FOXP1: variants seen among roughly 807,000 people sequenced by gnomAD.
The protein encoded by FOXP1 is forkhead box protein P1.
FOXP1 carries 15 observed loss-of-function variants against 98.2 expected under a neutral mutation model. That is an observed-to-expected ratio of 0.15 (90% CI 0.10 to 0.24). The LOEUF (loss-of-function observed/expected upper bound fraction) is 0.24. FOXP1 is among the 10% of genes least tolerant of loss of function. FOXP1 has a pLI of 1.00. For missense variants in FOXP1, 633 were observed against 848.5 expected (o/e 0.75, Z 3.15); for synonymous variants, 371 against 314.5 (o/e 1.18, Z -1.90).
rs370159203 is a variant in FOXP1, at chr3:71,033,848, G to A, written c.869+7480C>T. Among the ~76,000 whole-genome samples, 279 of 152,264 alleles carry A rather than the reference G, an allele frequency of 1.8e-3. 1 individual carries two copies. The highest frequency in any genetic ancestry group is 3.2e-3 in the Non-Finnish European group (218 of 68,012). On this transcript the variant is annotated intron_variant, in intron 11 of 20. Transcript: ENST00000649528. ...ATGGCTGCCAAACAACAGGCAGCAT[G>A]TTTAGGGTACAAAATGCTGATTCGC...
intron 7 of FOXP1, among the ~76,000 whole-genome samples, chr3:71,106,340 T>C (rs1277751099): frequency 6.6e-6 from 1 of 152,226 alleles, no homozygotes. Context: ...GAGTTCCTTA[T>C]TTTTTGTTTC....
intron 3 of FOXP1, among the ~76,000 whole-genome samples, chr3:71,455,118 T>G (rs2087345013): frequency 1.3e-5 from 2 of 152,284 alleles, no homozygotes; most frequent in Admixed American, 6.5e-5. Context: ...AGTCAGTTTT[T>G]TAAAAGGAAA....
intron 6 of FOXP1, among the ~76,000 whole-genome samples, chr3:71,139,845 G>A (rs1404307540): frequency 1.3e-5 from 2 of 152,102 alleles, no homozygotes; most frequent in African/African-American, 4.8e-5. Context: ...GTTGCTTTCC[G>A]GACTGGATAT....
chr3:70,963,800 T>A (rs905737931), intron 20 of FOXP1, among the ~76,000 whole-genome samples: 2 of 152,196 alleles, frequency 1.3e-5, no homozygotes, highest in African/African-American at 2.4e-5. Flanking sequence ...GCCATAATTA[T>A]GTGACCACTT....
chr3:71,003,851 C>T (rs1389944077), intron 12 of FOXP1, among the ~76,000 whole-genome samples: 3 of 152,054 alleles, frequency 2.0e-5, no homozygotes, highest in Admixed American at 1.3e-4. Flanking sequence ...TCATTATGCT[C>T]GCTAATGGAT....
intron 3 of FOXP1, among the ~76,000 whole-genome samples, chr3:71,474,269 C>T (rs2089620186): frequency 1.3e-5 from 2 of 151,688 alleles, no homozygotes; most frequent in African/African-American, 4.8e-5. Flanking sequence ...CAAAAGAGGA[C>T]TAGAAAAGAA....
intron 5 of FOXP1, among the ~76,000 whole-genome samples, chr3:71,201,452 C>T (rs1371861957): frequency 6.6e-6 from 1 of 152,086 alleles, no homozygotes; most frequent in Non-Finnish European, 1.5e-5. Context: ...TCGAGACCAG[C>T]CTGGCCAACA....
At position 71,243,150 on chromosome 3, in the gene FOXP1, C is replaced by T. The variant is rs138602816; in HGVS notation, c.-11-44758G>A. On this transcript the variant is annotated intron_variant, in intron 5 of 20. Transcript: ENST00000649528. The stretch of plus-strand genomic sequence containing the variant: ...GTAAAAATAAACCTCTCTAAAAGCA[C>T]AGACTACAGTTATATTTCTAAAGCA... Among the ~76,000 whole-genome samples, 92 of 152,324 alleles carry T rather than the reference C, an allele frequency of 6.0e-4. 1 individual carries two copies. Among genetic ancestry groups the T allele is most frequent in the African/African-American group, 2.0e-3 (85 of 41,556 alleles).
At position 71,015,652 on chromosome 3, in the gene FOXP1, A is replaced by G. The variant is rs2044350860; in HGVS notation, c.871T>C (p.Leu291=). The G allele has an allele frequency of 6.3e-7, 1 of 1,595,264 alleles. No individual in the cohort carries two copies. Among genetic ancestry groups the G allele is most frequent in the Admixed American group, 1.7e-5 (1 of 59,890 alleles). The change falls in exon 12 of 21, where the codon TTG becomes CTG. Residue 291 remains leucine (L), a splice_region_variant and synonymous_variant. Transcript: ENST00000649528. Reference sequence around the variant, plus strand: ...CTATGGGGGTGCTCCTCATGGGACAAACTGAAAGAAAACACACAGAAGACC... The same window carrying G: ...CTATGGGGGTGCTCCTCATGGGACAGACTGAAAGAAAACACACAGAAGACC... ...LSVHTPKRES[L]SHEEHPHSHP... is the part of the protein sequence containing the mutation.
chr3:71,248,346 C>T (rs996144455), intron 5 of FOXP1, among the ~76,000 whole-genome samples: 7 of 152,164 alleles, frequency 4.6e-5, no homozygotes, highest in African/African-American at 1.7e-4. Flanking sequence ...GTTCATCAGC[C>T]ATGCTCTCTT....
chr3:71,021,245 C>G (rs2045385839), intron 11 of FOXP1, among the ~76,000 whole-genome samples: 1 of 152,192 alleles, frequency 6.6e-6, no homozygotes. Context: ...CTTTCTGTCT[C>G]TAGAGGTGTG....
At chr3:71,437,867 T>C (rs1026451919) in intron 3 of FOXP1, among the ~76,000 whole-genome samples, 1 of 152,126 alleles carries the variant, frequency 6.6e-6, no homozygotes, top group Non-Finnish European at 1.5e-5. Context: ...CCACCCGCAC[T>C]TGCAGACAAA....
intron 5 of FOXP1, among the ~76,000 whole-genome samples, chr3:71,202,358 A>T (rs1315301367): frequency 6.6e-6 from 1 of 152,214 alleles, no homozygotes; most frequent in Non-Finnish European, 1.5e-5. Flanking sequence ...TCAGGAGAAA[A>T]CAGCTTTTTG....
chr3:70,967,623 C>CT (rs1186640949), intron 19 of FOXP1, among the ~76,000 whole-genome samples: 1 of 143,786 alleles, frequency 7.0e-6, no homozygotes, highest in Non-Finnish European at 1.5e-5. Context: ...TGCGATAAAG[C>CT]TTTTTTTCTT....
intron 6 of FOXP1, among the ~76,000 whole-genome samples, chr3:71,187,239 T>A (rs1254768744): frequency 6.6e-6 from 1 of 152,250 alleles, no homozygotes; most frequent in Non-Finnish European, 1.5e-5. Flanking sequence ...TTGATAATTA[T>A]AACTGTGAAT....
In FOXP1 at chr3:70,966,130, C is replaced by G. The variant is rs1370519293; in HGVS notation, c.1723-74G>C. The G allele has an allele frequency of 3.3e-6, 4 of 1,214,580 alleles. No homozygotes were observed. In the Admixed American group the frequency reaches 6.9e-5, roughly 21 times the overall value. 75.2% of individuals were successfully genotyped at this position (1,214,580 alleles called of 1,614,324 possible). On this transcript the variant is annotated intron_variant, in intron 19 of 20. Transcript: ENST00000649528. ...AAGGAAACTACTAATTATGGGTGTA[C>G]TCGATAATCTTCAGTTTGAGTTAAT...
At chr3:71,105,928 C>A (rs533010257) in intron 7 of FOXP1, among the ~76,000 whole-genome samples, 4 of 151,976 alleles carry the variant, frequency 2.6e-5, no homozygotes, top group African/African-American at 9.7e-5. Context: ...TGGAAAATAG[C>A]GTAATTTACT....
At chr3:71,217,483 TG>T (rs1310469467) in intron 5 of FOXP1, among the ~76,000 whole-genome samples, 2 of 152,222 alleles carry the variant, frequency 1.3e-5, no homozygotes, top group African/African-American at 2.4e-5. Flanking sequence ...TGATTTTTTT[TG>T]CTTCTGTTTC....
At chr3:71,148,357 G>A (rs2060416569) in intron 6 of FOXP1, among the ~76,000 whole-genome samples, 1 of 151,722 alleles carries the variant, frequency 6.6e-6, no homozygotes, top group Admixed American at 6.6e-5. Context: ...CTCCAGCCTG[G>A]GCAACAGAAC....
Sources: allele counts gnomAD v4.1 joint callset (sites outside exome capture counted in the v4.1 genomes callset), GRCh38; gene constraint gnomAD v4.1.1; transcripts MANE v1.5; gene names NCBI Gene and HGNC (gene_info 2026-07-23, HGNC 2026-07-21).